COL25A1: variants seen among roughly 807,000 people sequenced by gnomAD.
COL25A1 encodes the protein collagen type XXV alpha 1 chain, also known as collagen alpha-1(XXV) chain.
COL25A1 carries 103 observed loss-of-function variants against 128.4 expected under a neutral mutation model. The ratio of observed to expected loss-of-function variants is 0.80; its 90% CI spans 0.68 to 0.94. COL25A1 has a LOEUF of 0.94. Among genes scored for constraint, COL25A1 ranks in the 40% least tolerant of loss-of-function variants. COL25A1 has a pLI of 0.00. For missense variants in COL25A1, 745 were observed against 840.0 expected (o/e 0.89, Z 1.40); for synonymous variants, 279 against 277.2 (o/e 1.01, Z -0.06).
At chr4:108,908,485 A>G (rs2125878412) in intron 13 of COL25A1, among the ~76,000 whole-genome samples, 1 of 152,292 alleles carries the variant, frequency 6.6e-6, no homozygotes, top group East Asian at 1.9e-4. Flanking sequence ...AAGCAGAGGA[A>G]GCTGTGTAAC....
At chr4:108,827,844 A>G (rs1390695982) in intron 32 of COL25A1, among the ~76,000 whole-genome samples, 1 of 152,092 alleles carries the variant, frequency 6.6e-6, no homozygotes, top group East Asian at 1.9e-4. Context: ...CTTCTATCAA[A>G]AAACAATTAT....
At chr4:108,999,034 C>A (rs989024401) in intron 6 of COL25A1, among the ~76,000 whole-genome samples, 1 of 152,110 alleles carries the variant, frequency 6.6e-6, no homozygotes, top group African/African-American at 2.4e-5. Context: ...CTAAGCAATA[C>A]CATTGAGGAC....
chr4:109,176,109 T>C (rs17223850), intron 3 of COL25A1, among the ~76,000 whole-genome samples: 62,016 of 152,042 alleles, frequency 0.41, 14,632 homozygotes, highest in Non-Finnish European at 0.55. Context: ...ATACAATCCC[T>C]GTCCTCAAGG....
At chr4:108,871,311 T>C (rs1738673721) in intron 19 of COL25A1, among the ~76,000 whole-genome samples, 1 of 152,158 alleles carries the variant, frequency 6.6e-6, no homozygotes, top group Admixed American at 6.5e-5. Context: ...TAATATTGAT[T>C]GGCTAATTTT....
intron 31 of COL25A1, among the ~76,000 whole-genome samples, chr4:108,835,425 A>G (rs917134261): frequency 1.7e-5 from 2 of 118,954 alleles, no homozygotes; most frequent in South Asian, 2.5e-4. Flanking sequence ...TACAGAATGG[A>G]AAAAAAAATC....
At chr4:108,891,407 C>A (rs1159450355) in intron 16 of COL25A1, among the ~76,000 whole-genome samples, 1 of 152,128 alleles carries the variant, frequency 6.6e-6, no homozygotes, top group Non-Finnish European at 1.5e-5. Context: ...TCATTAATAT[C>A]CAACTGAGTT....
chr4:108,888,134 G>T (rs1430003942), intron 18 of COL25A1, among the ~76,000 whole-genome samples: 3 of 152,056 alleles, frequency 2.0e-5, no homozygotes, highest in Admixed American at 1.3e-4. Context: ...TCTTAGTTTT[G>T]AGAGAAAAAT....
intron 3 of COL25A1, among the ~76,000 whole-genome samples, chr4:109,281,513 A>C (rs1723389680): frequency 6.6e-6 from 1 of 152,100 alleles, no homozygotes; most frequent in African/African-American, 2.4e-5. Flanking sequence ...CTTTTTAATC[A>C]AACAGTAGAA....
At chr4:109,225,237 CA>C (rs538776829) in intron 3 of COL25A1, among the ~76,000 whole-genome samples, 1 of 151,946 alleles carries the variant, frequency 6.6e-6, no homozygotes, top group Non-Finnish European at 1.5e-5. Context: ...GTGCACCTGA[CA>C]AAAAAACTTA....
At chr4:109,219,553 C>A (rs755023892) in intron 3 of COL25A1, among the ~76,000 whole-genome samples, 7 of 151,816 alleles carry the variant, frequency 4.6e-5, no homozygotes, top group East Asian at 1.9e-4. Flanking sequence ...TGTCACCCCC[C>A]ACAAAAGAAA....
At chr4:109,184,481 G>T (rs764808161) in intron 3 of COL25A1, among the ~76,000 whole-genome samples, 3 of 152,148 alleles carry the variant, frequency 2.0e-5, no homozygotes, top group Admixed American at 6.5e-5. Flanking sequence ...GACGCAAGCC[G>T]GCTGCACTGG....
chr4:109,204,958 T>C (rs1042618779), intron 3 of COL25A1, among the ~76,000 whole-genome samples: 1 of 152,206 alleles, frequency 6.6e-6, no homozygotes, highest in South Asian at 2.1e-4. Context: ...AAATTCGCAA[T>C]GCTTCCACAA....
At chr4:109,112,712 G>A (rs1378310152) in intron 3 of COL25A1, among the ~76,000 whole-genome samples, 7 of 152,020 alleles carry the variant, frequency 4.6e-5, no homozygotes, top group Admixed American at 4.6e-4. Context: ...AAGACAACCT[G>A]AAAAATTTGT....
intron 25 of COL25A1, 111 bp downstream of exon 25, chr4:108,852,789 CAT>C (rs1735947363): frequency 1.3e-6 from 1 of 788,412 alleles, no homozygotes; most frequent in East Asian, 2.7e-5. Context: ...TACAAGAAAA[CAT>C]AAAATTAAGT....
At chr4:108,837,273 G>A (rs1245390193) in intron 31 of COL25A1, among the ~76,000 whole-genome samples, 1 of 151,980 alleles carries the variant, frequency 6.6e-6, no homozygotes, top group Admixed American at 6.6e-5. Context: ...TTCAAATTGT[G>A]TATAAACTAT....
At chr4:109,040,410 G>C (rs956425284) in intron 5 of COL25A1, among the ~76,000 whole-genome samples, 2 of 152,170 alleles carry the variant, frequency 1.3e-5, no homozygotes, top group South Asian at 4.1e-4. Flanking sequence ...TGCTGCCAAA[G>C]ATTATTAAAT....
intron 6 of COL25A1, among the ~76,000 whole-genome samples, chr4:108,988,565 G>A (rs1578997144): frequency 6.6e-6 from 1 of 152,172 alleles, no homozygotes; most frequent in East Asian, 1.9e-4. Flanking sequence ...TCAATGAAAT[G>A]TTTTTCTCAT....
chr4:109,096,066 C>A (rs2126015262), intron 3 of COL25A1, among the ~76,000 whole-genome samples: 1 of 152,302 alleles, frequency 6.6e-6, no homozygotes, highest in Admixed American at 6.5e-5. Flanking sequence ...AGCTATAGAA[C>A]AATGGGTTGG....
At chr4:109,242,885 C>T (rs1313622288) in intron 3 of COL25A1, among the ~76,000 whole-genome samples, 2 of 152,044 alleles carry the variant, frequency 1.3e-5, no homozygotes, top group Non-Finnish European at 2.9e-5. Context: ...CATCATCTCA[C>T]ATAGGTATCT....
Sources: gnomAD v4.1 joint callset for allele counts (sites outside exome capture counted in the v4.1 genomes callset) on GRCh38, gnomAD v4.1.1 for gene constraint, MANE v1.5 for transcripts, NCBI Gene and HGNC (gene_info 2026-07-23, HGNC 2026-07-21) for gene names.